Variants in CELSR2 observed in about 807,000 individuals in gnomAD.
CELSR2 encodes the protein cadherin EGF LAG seven-pass G-type receptor 2, also known as EGF-like protein 2.
A neutral mutation model predicts 251.6 loss-of-function variants in CELSR2; 81 were observed. The observed-to-expected ratio is 0.32, with a 90% CI of 0.27 to 0.39. The LOEUF is 0.39. Ranked by LOEUF, CELSR2 falls within the 10% of genes least tolerant of loss-of-function variation. The probability of loss-of-function intolerance (pLI) is 1.00; values close to 1 mark genes in which losing one functional copy is unlikely to be tolerated. For synonymous variants in CELSR2, 1,721 were observed against 1,670.5 expected (o/e 1.03, Z -0.74); for missense variants, 3,365 against 3,947.7 (o/e 0.85, Z 3.96).
Position 109,251,631 on chromosome 1 carries a change from G to C in CELSR2, c.1552G>C (p.Val518Leu). The C allele has an allele frequency of 6.2e-7, 1 of 1,613,830 alleles. No individual in the cohort carries two copies. The highest frequency in any genetic ancestry group is 8.5e-7 in the Non-Finnish European group (1 of 1,179,886). Residue 518 changes from valine (V) to leucine (L), a missense_variant, in exon 1 of 34, where the codon GTC (valine) becomes CTC (leucine). Physicochemically the swap from Val to Leu is conservative, Grantham distance 32 (BLOSUM62 1). Coordinates refer to ENST00000271332, the MANE Select transcript of CELSR2 (RefSeq NM_001408.3). This position sits in a 1 kb window ranked among gnomAD's most constrained non-coding sequence, Gnocchi z 4.9. ...TPFQATVLES[V>L]PLGYLVLHVQ... ...TTTCCAGGCTACTGTCCTGGAGAGT[G>C]TCCCCTTAGGCTACCTGGTTCTCCA...
chr1:109,261,821 C>T lies in CELSR2; in HGVS notation c.4311C>T (p.Thr1437=). The change falls in exon 5 of 34, where the codon ACC becomes ACT. Residue 1437 remains threonine, a synonymous_variant. Coordinates refer to ENST00000271332, the MANE Select transcript of CELSR2 (RefSeq NM_001408.3). The surrounding 1 kb of genome is among the most constrained non-coding windows in gnomAD (Gnocchi z 4.8). The part of the protein sequence containing the change: ...QLTFSAGEST[T]TVSPFVPGGV... ...TCCTTTCCCCAGGGGAGTCAACCACCACGGTGTCCCCATTCGTGCCCGGAG... is the reference window on the plus strand; with the variant it reads ...TCCTTTCCCCAGGGGAGTCAACCACTACGGTGTCCCCATTCGTGCCCGGAG... The T allele has an allele frequency of 6.3e-7, 1 of 1,593,196 alleles. No homozygotes were observed. The highest frequency in any genetic ancestry group is 1.1e-5 in the South Asian group (1 of 88,484).
rs748478678 is a variant in CELSR2, at chr1:109,267,596, A to G, written c.6062A>G (p.Asn2021Ser). Residue 2021 changes from asparagine (N) to serine (S), a missense_variant, in exon 16 of 34, where the codon AAC (asparagine) becomes AGC (serine). Around this residue, in one of 5 missense-constraint regions of CELSR2, gnomAD observed 2,093 missense variants for 2,382.8 expected, o/e 0.88. Coordinates refer to ENST00000271332, the MANE Select transcript of CELSR2 (RefSeq NM_001408.3). Reference protein sequence around the residue: ...CDEHRGWLPPNLFNCTSITFS... With the variant: ...CDEHRGWLPPSLFNCTSITFS... ...GAGCACAGGGGGTGGCTCCCCCCAA[A>G]CCTCTTCAACTGCACGTCCATCACC... The G allele has an allele frequency of 1.9e-6, 3 of 1,613,868 alleles. No individual in the cohort carries two copies. Among genetic ancestry groups the G allele is most frequent in the Non-Finnish European group, 2.5e-6 (3 of 1,179,916 alleles).
intron 14 of CELSR2, 85 bp from the exon 15 acceptor site, chr1:109,266,020 G>GGGGAGGCCTC: frequency 6.3e-7 from 1 of 1,585,726 alleles, no homozygotes; most frequent in South Asian, 1.1e-5. Flanking sequence ...GGGGAGGCCT[G>GGGGAGGCCTC]GGGAGGCCTA....
Position 109,251,585 on chromosome 1 carries a change from C to T in CELSR2, c.1506C>T (p.Ala502=). The T allele has an allele frequency of 6.2e-7, 1 of 1,613,884 alleles. No individual in the cohort carries two copies. Among genetic ancestry groups the T allele is most frequent in the South Asian group, 1.1e-5 (1 of 91,070 alleles). Residue 502 remains alanine (A), a synonymous_variant, in exon 1 of 34, where the codon GCC becomes GCT. Transcript: ENST00000271332. The surrounding 1 kb of genome is among the most constrained non-coding windows in gnomAD (Gnocchi z 4.9). ...TVQVLDINDN[A]PIFVSTPFQA... is the part of the protein sequence containing the mutation. Reference sequence around the variant, plus strand: ...AGGTCCTGGATATCAACGACAATGCCCCCATCTTCGTCAGCACCCCTTTCC... The same window carrying T: ...AGGTCCTGGATATCAACGACAATGCTCCCATCTTCGTCAGCACCCCTTTCC...
chr1:109,250,357 G>A lies in CELSR2; in HGVS notation c.278G>A (p.Trp93Ter). ...LVPHHDGLRV[W>*]CPESEAHIPL... ...CCCCACCACGATGGCCTGAGGGTTTGGTGTCCAGAATCCGAGGCCCATATT... is the reference window on the plus strand; with the variant it reads ...CCCCACCACGATGGCCTGAGGGTTTAGTGTCCAGAATCCGAGGCCCATATT... Residue 93 changes from tryptophan (W) to a stop codon, truncating the protein, a stop_gained, in exon 1 of 34, where the codon TGG (tryptophan) becomes TAG (stop). Coordinates refer to ENST00000271332, the MANE Select transcript of CELSR2 (RefSeq NM_001408.3). LOFTEE classifies it high-confidence loss of function. The surrounding 1 kb of genome is among the most constrained non-coding windows in gnomAD (Gnocchi z 4.4). The A allele has an allele frequency of 6.2e-7, 1 of 1,613,484 alleles. No individual in the cohort carries two copies. Among genetic ancestry groups the A allele is most frequent in the Non-Finnish European group, 8.5e-7 (1 of 1,180,012 alleles).
chr1:109,258,468 G>A lies in CELSR2; in HGVS notation c.3347G>A (p.Arg1116His), dbSNP rs764176269. 5 of 1,605,084 alleles carry A rather than the reference G, an allele frequency of 3.1e-6. No homozygotes were observed. Among genetic ancestry groups the A allele is most frequent in the South Asian group, 1.1e-5 (1 of 89,382 alleles). Residue 1116 changes from arginine to histidine, a missense_variant, in exon 2 of 34, where the codon CGT becomes CAT. Physicochemically the swap from Arg to His is conservative, Grantham distance 29 (BLOSUM62 0). This residue lies in a region of CELSR2 where 505 missense variants were observed against 660.0 expected (regional missense o/e 0.77). Transcript: ENST00000271332. ...AGCGTGACCGCCCAGTGCGCGCTGC[G>A]TGTGACCATCATCACCGATGAGATG... ...VHSVTAQCAL[R>H]VTIITDEMLT...
chr1:109,264,505 C>T lies in CELSR2; in HGVS notation c.5341C>T (p.His1781Tyr). 6.2e-7 allele frequency: 1 copy of T among 1,614,116 alleles called. No homozygotes were observed. Among genetic ancestry groups the T allele is most frequent in the Non-Finnish European group, 8.5e-7 (1 of 1,179,990 alleles). ...PEGVNSLDPSHGESINVEQGC... is the reference protein window; with the variant it reads ...PEGVNSLDPSYGESINVEQGC... ...GGGGGTTAACAGCCTGGATCCCAGCCATGGGGAGAGCATCAACGTGGAGCA... is the reference window on the plus strand; with the variant it reads ...GGGGGTTAACAGCCTGGATCCCAGCTATGGGGAGAGCATCAACGTGGAGCA... The change falls in exon 11 of 34, where the codon CAT becomes TAT. Residue 1781 changes from histidine to tyrosine, a missense_variant. Physicochemically the swap from His to Tyr is moderately conservative, Grantham distance 83. Coordinates refer to ENST00000271332, the MANE Select transcript of CELSR2 (RefSeq NM_001408.3).
intron 1 of CELSR2, among the ~76,000 whole-genome samples, chr1:109,257,464 A>C (rs78852738): frequency 0.019 from 2,909 of 151,968 alleles, 34 homozygotes; most frequent in Middle Eastern, 0.031. Flanking sequence ...GTGTATGTGC[A>C]TTCAGGTGTG....
At chr1:109,264,774 G>A in intron 11 of CELSR2, 94 bp from the exon 12 acceptor site, 2 of 1,597,874 alleles carry the variant, frequency 1.3e-6, no homozygotes, top group South Asian at 1.1e-5. Flanking sequence ...CAGCTGATAG[G>A]ATGCTATGTG....
Position 109,263,749 on chromosome 1 carries a change from C to T in CELSR2, c.4973C>T (p.Thr1658Ile), listed in dbSNP as rs777815944. Residue 1658 changes from threonine to isoleucine, a missense_variant, in exon 9 of 34, where the codon ACC (threonine) becomes ATC (isoleucine). By Grantham distance (89) the Thr-to-Ile change is moderately conservative (BLOSUM62 -1). Transcript: ENST00000271332. The part of the protein sequence containing the change: ...QADGVLLQAI[T>I]RGRSTITLQL... ...GACGGTGTCCTGCTGCAGGCCATCACCAGGGGGCGCAGCACCATCACCCTA... is the reference window on the plus strand; with the variant it reads ...GACGGTGTCCTGCTGCAGGCCATCATCAGGGGGCGCAGCACCATCACCCTA... 1 of 1,613,658 alleles carries T rather than the reference C, an allele frequency of 6.2e-7. No homozygotes were observed. Among genetic ancestry groups the T allele is most frequent in the Admixed American group, 1.7e-5 (1 of 60,020 alleles).
chr1:109,251,748 A>C lies in CELSR2; in HGVS notation c.1669A>C (p.Asn557His). ...ACATGACTTCCCCTTCACCATCAAC[A>C]ATGGCACAGGCTGGATCTCTGTGGC... The part of the protein sequence containing the change: ...VGHDFPFTIN[N>H]GTGWISVAAE... Residue 557 changes from asparagine to histidine, a missense_variant, in exon 1 of 34, where the codon AAT (asparagine) becomes CAT (histidine). Asn to His is a moderately conservative substitution (Grantham distance 68, BLOSUM62 1). Transcript: ENST00000271332. The surrounding 1 kb of genome is among the most constrained non-coding windows in gnomAD (Gnocchi z 4.9). 1 of 1,613,898 alleles carries C rather than the reference A, an allele frequency of 6.2e-7. No homozygotes were observed.
chr1:109,253,936 C>T (rs866728869), intron 1 of CELSR2, among the ~76,000 whole-genome samples: 13 of 152,246 alleles, frequency 8.5e-5, no homozygotes. Context: ...GCTGCAGAAT[C>T]GGCTGACAGG....
intron 8 of CELSR2, 83 bp downstream of exon 8, chr1:109,263,350 A>C: frequency 1.3e-6 from 2 of 1,508,146 alleles, no homozygotes; most frequent in Non-Finnish European, 1.8e-6. Flanking sequence ...GGCACTGGGC[A>C]GGGCTCTGCT....
In CELSR2 at chr1:109,268,996, T is replaced by A. The variant is rs535055441; in HGVS notation, c.6619T>A (p.Ser2207Thr). ...DLETTVILPE[S>T]VFRETPPVVR... ...TGAGACAACAGTCATTCTGCCTGAGTCTGTCTTCAGAGGTCAGTGGTGGCC... is the reference window on the plus strand; with the variant it reads ...TGAGACAACAGTCATTCTGCCTGAGACTGTCTTCAGAGGTCAGTGGTGGCC... The change falls in exon 19 of 34, where the codon TCT becomes ACT. Residue 2207 changes from serine (S) to threonine (T), a missense_variant. Around this residue, in one of 5 missense-constraint regions of CELSR2, gnomAD observed 2,093 missense variants for 2,382.8 expected, o/e 0.88. Coordinates refer to ENST00000271332, the MANE Select transcript of CELSR2 (RefSeq NM_001408.3). The A allele has an allele frequency of 2.5e-6, 4 of 1,612,376 alleles. No individual in the cohort carries two copies.
In CELSR2 at chr1:109,253,120, T is replaced by A. The variant is rs115856488; in HGVS notation, c.3041T>A (p.Leu1014His). ...VSRATVHVRLLDRNDNPPVLG... is the reference protein window; with the variant it reads ...VSRATVHVRLHDRNDNPPVLG... Reference sequence around the variant, plus strand: ...CGGGCTACAGTCCACGTCCGCCTCCTTGACCGCAATGACAACCCACCAGTG... The same window carrying A: ...CGGGCTACAGTCCACGTCCGCCTCCATGACCGCAATGACAACCCACCAGTG... Residue 1014 changes from leucine (L) to histidine (H), a missense_variant, in exon 1 of 34, where the codon CTT (leucine) becomes CAT (histidine). Physicochemically the swap from Leu to His is moderately conservative, Grantham distance 99 (BLOSUM62 -3). Transcript: ENST00000271332. 8,564 of 1,613,848 alleles carry A rather than the reference T, an allele frequency of 5.3e-3. 35 individuals are homozygous for A. The highest frequency in any genetic ancestry group is 6.5e-3 in the Non-Finnish European group (7,720 of 1,180,040).
rs111640617 is a variant in CELSR2 at position 109,264,645 on chromosome 1, G to A, written c.5464+17G>A. Reference sequence around the variant, plus strand: ...GTGATCCAGGTATGCTAAGGATCCAGGGCAACGGGCAGGTTATCAGGTGCC... The same window carrying A: ...GTGATCCAGGTATGCTAAGGATCCAAGGCAACGGGCAGGTTATCAGGTGCC... On this transcript the variant is annotated intron_variant, in intron 11 of 33. Transcript: ENST00000271332. The A allele has an allele frequency of 5.9e-5, 95 of 1,604,138 alleles. No homozygotes were observed. The African/African-American group carries it at 1.0e-3, about 17-fold the overall frequency.
chr1:109,255,863 G>A (rs931127728), intron 1 of CELSR2, among the ~76,000 whole-genome samples: 4 of 152,242 alleles, frequency 2.6e-5, no homozygotes, highest in African/African-American at 9.6e-5. Context: ...AGAGGGGGCA[G>A]GTGGCCACAG....
In CELSR2 at chr1:109,268,561, C is replaced by T. The variant is rs375631739; in HGVS notation, c.6319-20C>T. On this transcript the variant is annotated intron_variant, in intron 17 of 33. Coordinates refer to ENST00000271332, the MANE Select transcript of CELSR2 (RefSeq NM_001408.3). ...AGGTGTGGGTTGTGAGCACACCCAC[C>T]GTGACCTTGCCCACCCCAGAATCTG... 94 of 1,592,314 alleles carry T rather than the reference C, an allele frequency of 5.9e-5. No homozygotes were observed. The African/African-American group carries it at 6.3e-4, about 11-fold the overall frequency.
rs773357613 is a variant in CELSR2 at position 109,258,610 on chromosome 1, C to T, written c.3489C>T (p.His1163=). Residue 1163 remains histidine, a synonymous_variant, in exon 2 of 34, where the codon CAC becomes CAT. Transcript: ENST00000271332. ...CCACGCTGGCCACGCCACCGGACCACGTGGTGGTCTTCAACGTACAGCGGG... is the reference window on the plus strand; with the variant it reads ...CCACGCTGGCCACGCCACCGGACCATGTGGTGGTCTTCAACGTACAGCGGG... ...VAATLATPPD[H]VVVFNVQRDT... 5 of 1,582,834 alleles carry T rather than the reference C, an allele frequency of 3.2e-6. No individual in the cohort carries two copies. Among genetic ancestry groups the T allele is most frequent in the South Asian group, 2.3e-5 (2 of 87,076 alleles).
Sources: allele counts gnomAD v4.1 joint callset (sites outside exome capture counted in the v4.1 genomes callset), GRCh38; gene constraint gnomAD v4.1.1; regional missense constraint gnomAD v4.1.1; non-coding constraint Gnocchi (gnomAD v3.1); transcripts MANE v1.5; gene names NCBI Gene and HGNC (gene_info 2026-07-23, HGNC 2026-07-21).